The following ADGRB3 variants were observed in gnomAD, a reference collection of about 807,000 sequenced individuals.
ADGRB3 encodes brain-specific angiogenesis inhibitor 3.
A neutral mutation model predicts 193.4 loss-of-function variants in ADGRB3; 37 were observed. That is an observed-to-expected ratio of 0.19 (90% CI 0.15 to 0.25). The LOEUF (loss-of-function observed/expected upper bound fraction) is 0.25, where lower values mean the gene tolerates loss of function less well. Ranked by LOEUF, ADGRB3 falls within the 10% of genes least tolerant of loss-of-function variation. The pLI, the probability that ADGRB3 is intolerant of heterozygous loss-of-function variation, is 1.00. For missense variants in ADGRB3, 1,637 were observed against 1,852.9 expected, an observed-to-expected ratio of 0.88 and a Z score of 2.14; for synonymous variants, 690 against 644.2, an observed-to-expected ratio of 1.07 and a Z score of -1.08.
In ADGRB3 at chr6:69,245,057, G is replaced by T. The variant is rs1766468378; in HGVS notation, c.2814+5831G>T. Reference sequence around the variant, plus strand: ...GGAGGCAAAATTTAATGCCTTTTCTGTAGTCTCCAACTCAATTACATAAGC... The same window carrying T: ...GGAGGCAAAATTTAATGCCTTTTCTTTAGTCTCCAACTCAATTACATAAGC... On this transcript the variant is annotated intron_variant, in intron 20 of 31. Transcript: ENST00000370598. 2.0e-5 allele frequency among the ~76,000 whole-genome samples: 3 copies of T among 151,936 alleles called. No individual in the cohort carries two copies. The South Asian group carries it at 6.2e-4, about 32-fold the overall frequency.
At chr6:68,838,737 A>G (rs1768092295) in intron 3 of ADGRB3, among the ~76,000 whole-genome samples, 1 of 152,196 alleles carries the variant, frequency 6.6e-6, no homozygotes, top group Non-Finnish European at 1.5e-5. Context: ...TCCATGCTTG[A>G]TATGCTGATA....
At chr6:68,713,829 T>C (rs537811724) in intron 3 of ADGRB3, among the ~76,000 whole-genome samples, 6 of 151,860 alleles carry the variant, frequency 4.0e-5, no homozygotes, top group Non-Finnish European at 5.9e-5. Context: ...TATTATCCCA[T>C]GATAATTTAT....
intron 29 of ADGRB3, among the ~76,000 whole-genome samples, chr6:69,367,174 A>G (rs1769590170): frequency 6.6e-6 from 1 of 152,124 alleles, no homozygotes; most frequent in Admixed American, 6.6e-5. Flanking sequence ...CCTGAGGTAG[A>G]AAAGAGTTTT....
In ADGRB3 at chr6:68,955,072, C is replaced by T. The variant is rs1039991994; in HGVS notation, c.1196-952C>T. Among the ~76,000 whole-genome samples, 6 of 152,290 alleles carry T rather than the reference C, an allele frequency of 3.9e-5. No homozygotes were observed. The East Asian group carries it at 1.2e-3, about 29-fold the overall frequency. ...CTTTTTTAAAACTTCTGCAATCTCT[C>T]CTCACTCAGCACTCTAGATGCCTTT... On this transcript the variant is annotated intron_variant, in intron 6 of 31. Coordinates refer to ENST00000370598, the MANE Select transcript of ADGRB3 (RefSeq NM_001704.3).
chr6:69,105,415 C>T (rs1168832266), intron 17 of ADGRB3, among the ~76,000 whole-genome samples: 1 of 152,194 alleles, frequency 6.6e-6, no homozygotes, highest in Non-Finnish European at 1.5e-5. Flanking sequence ...GAACTTGATT[C>T]AGACACATTC....
chr6:69,346,520 A>G (rs1240021461), intron 26 of ADGRB3, among the ~76,000 whole-genome samples: 1 of 152,162 alleles, frequency 6.6e-6, no homozygotes, highest in Non-Finnish European at 1.5e-5. Context: ...GAAATAAACA[A>G]CTCTATCAAA....
intron 17 of ADGRB3, among the ~76,000 whole-genome samples, chr6:69,113,308 CAT>C (rs1491106739): frequency 4.7e-5 from 7 of 148,466 alleles, no homozygotes; most frequent in African/African-American, 9.7e-5. Context: ...ATGTATCACA[CAT>C]ATATGTACCA....
At chr6:69,001,577 GTCTTA>G (rs749165566) in intron 11 of ADGRB3, among the ~76,000 whole-genome samples, 62 of 152,254 alleles carry the variant, frequency 4.1e-4, no homozygotes, top group Non-Finnish European at 5.9e-4. Context: ...AAGAGAGCGT[GTCTTA>G]GTGACAGTGG....
At chr6:69,273,045 C>T (rs1285474925) in intron 20 of ADGRB3, among the ~76,000 whole-genome samples, 1 of 152,136 alleles carries the variant, frequency 6.6e-6, no homozygotes, top group Non-Finnish European at 1.5e-5. Flanking sequence ...AGACCACAAG[C>T]CCGTGCCACC....
Position 69,253,023 on chromosome 6 carries a change from T to C in ADGRB3, c.2814+13797T>C, listed in dbSNP as rs572564933. Among the ~76,000 whole-genome samples the C allele has an allele frequency of 3.9e-5, 6 of 152,214 alleles. No homozygotes were observed. In the South Asian group the frequency reaches 6.2e-4, roughly 16 times the overall value. The stretch of plus-strand genomic sequence containing the variant: ...TATATTCTACATGGATATCCAATTG[T>C]TCTGGTACTGTTTGTTCAAAAAATT... On this transcript the variant is annotated intron_variant, in intron 20 of 31. Coordinates refer to ENST00000370598, the MANE Select transcript of ADGRB3 (RefSeq NM_001704.3).
Position 69,297,392 on chromosome 6 carries a change from A to ATCTC in ADGRB3, c.2815-27464_2815-27461dup, listed in dbSNP as rs375206329. 6.0e-3 allele frequency among the ~76,000 whole-genome samples: 685 copies of ATCTC among 113,254 alleles called. 7 individuals carry two copies. Among genetic ancestry groups the ATCTC allele is most frequent in the African/African-American group, 0.02 (577 of 28,278 alleles). The allele number at this position is 113,254 out of a possible 152,430, so 74.3% of individuals were successfully genotyped here. On this transcript the variant is annotated intron_variant, in intron 20 of 31. Transcript: ENST00000370598. ...TTTCTCTCTCTCTCTCTCTCTCTCTATCTCTCTCTCTCTCTCTCTATATAT... is the reference window on the plus strand; with the variant it reads ...TTTCTCTCTCTCTCTCTCTCTCTCTATCTCTCTCTCTCTCTCTCTCTCTATATAT...
intron 3 of ADGRB3, among the ~76,000 whole-genome samples, chr6:68,640,963 A>AT (rs1768070297): frequency 6.6e-6 from 1 of 152,132 alleles, no homozygotes; most frequent in Admixed American, 6.5e-5. Flanking sequence ...TACAGGAGTT[A>AT]TTTTCTGTAG....
At chr6:69,045,315 T>C (rs1771204803) in intron 13 of ADGRB3, among the ~76,000 whole-genome samples, 2 of 152,308 alleles carry the variant, frequency 1.3e-5, no homozygotes, top group South Asian at 4.1e-4. Flanking sequence ...ATTGCTATTT[T>C]AGACATCTGC....
chr6:68,728,392 GC>G (rs57128680), intron 3 of ADGRB3, among the ~76,000 whole-genome samples: 5,396 of 150,588 alleles, frequency 0.036, 300 homozygotes, highest in African/African-American at 0.12. Context: ...TTATCTCCCA[GC>G]CTAACAAAAA....
At chr6:69,108,608 A>C (rs976088612) in intron 17 of ADGRB3, among the ~76,000 whole-genome samples, 1 of 152,118 alleles carries the variant, frequency 6.6e-6, no homozygotes, top group African/African-American at 2.4e-5. Flanking sequence ...GATGGTTAGG[A>C]ACAAGGTGCT....
chr6:68,960,250 G>C (rs3757043), intron 8 of ADGRB3, among the ~76,000 whole-genome samples: 50,131 of 152,000 alleles, frequency 0.33, 8,541 homozygotes, highest in East Asian at 0.55. Context: ...CAGCTGCTTT[G>C]TCTGTAAGTG....
chr6:69,066,314 T>A (rs1378584961), intron 16 of ADGRB3, among the ~76,000 whole-genome samples: 1 of 151,660 alleles, frequency 6.6e-6, no homozygotes, highest in African/African-American at 2.4e-5. Flanking sequence ...ATATCAAAAA[T>A]ATCCGTTATA....
chr6:68,669,056 A>G (rs1768873105), intron 3 of ADGRB3, among the ~76,000 whole-genome samples: 1 of 151,954 alleles, frequency 6.6e-6, no homozygotes, highest in South Asian at 2.1e-4. Flanking sequence ...GTATGTATGT[A>G]TTTATTTTTA....
chr6:69,292,154 T>G (rs1021512910), intron 20 of ADGRB3, among the ~76,000 whole-genome samples: 5 of 152,220 alleles, frequency 3.3e-5, no homozygotes, highest in African/African-American at 1.2e-4. Context: ...AAGACTCCCA[T>G]GTCTTGTAAA....
Sources: allele counts gnomAD v4.1 joint callset (sites outside exome capture counted in the v4.1 genomes callset), GRCh38; gene constraint gnomAD v4.1.1; transcripts MANE v1.5; gene names NCBI Gene and HGNC (gene_info 2026-07-23, HGNC 2026-07-21).